Variants in PIK3R1 observed in about 807,000 individuals in gnomAD.
PIK3R1 encodes phosphatidylinositol 3-kinase regulatory subunit alpha.
A neutral mutation model predicts 98.0 loss-of-function variants in PIK3R1; 29 were observed. The observed-to-expected ratio is 0.30, with a 90% CI of 0.22 to 0.40. PIK3R1 has a LOEUF of 0.40. PIK3R1 is among the 10% of genes least tolerant of loss of function. The pLI is 1.00. For missense variants in PIK3R1, 596 were observed against 872.7 expected, an observed-to-expected ratio of 0.68 and a Z score of 3.99; for synonymous variants, 282 against 311.8, an observed-to-expected ratio of 0.90 and a Z score of 1.01.
intron 3 of PIK3R1, 193 bp downstream of exon 3, chr5:68,273,675 T>C: frequency 1.7e-6 from 1 of 598,894 alleles, no homozygotes; most frequent in Admixed American, 3.0e-5. Flanking sequence ...AACTCTAGAT[T>C]ATCATGTAGT....
At chr5:68,249,159 C>G (rs1167491344) in intron 2 of PIK3R1, among the ~76,000 whole-genome samples, 1 of 152,148 alleles carries the variant, frequency 6.6e-6, no homozygotes, top group African/African-American at 2.4e-5. Flanking sequence ...GTAATGATAC[C>G]TTCTTTCTCT....
At chr5:68,291,942 T>C (rs1747416700) in intron 7 of PIK3R1, 1 of 194,466 alleles carries the variant, frequency 5.1e-6, no homozygotes, top group Non-Finnish European at 1.0e-5. Flanking sequence ...GAAACTTTAA[T>C]ATAACTAGAA....
intron 2 of PIK3R1, among the ~76,000 whole-genome samples, chr5:68,234,204 C>T (rs2111992494): frequency 6.6e-6 from 1 of 152,288 alleles, no homozygotes; most frequent in Non-Finnish European, 1.5e-5. Context: ...AGATGAGAAG[C>T]TAAATGCTGT....
intron 12 of PIK3R1, 35 bp from the exon 13 acceptor site, chr5:68,295,113 C>A (rs922975251): frequency 1.4e-5 from 22 of 1,586,272 alleles, no homozygotes; most frequent in Non-Finnish European, 1.7e-5. Context: ...CCTGATGTAC[C>A]CAGATAATAA....
chr5:68,280,161 T>C (rs963730264), intron 5 of PIK3R1: 3 of 321,326 alleles, frequency 9.3e-6, no homozygotes, highest in Admixed American at 4.6e-5. Flanking sequence ...TTAAGTGCTT[T>C]GGGGACAGGA....
At chr5:68,266,968 T>C (rs1243750921) in intron 2 of PIK3R1, among the ~76,000 whole-genome samples, 1 of 152,208 alleles carries the variant, frequency 6.6e-6, no homozygotes, top group African/African-American at 2.4e-5. Flanking sequence ...TTTTTCTTTT[T>C]GGGGGCTTCT....
intron 1 of PIK3R1, among the ~76,000 whole-genome samples, chr5:68,224,556 A>T (rs1744209845): frequency 6.6e-6 from 1 of 152,220 alleles, no homozygotes; most frequent in Non-Finnish European, 1.5e-5. Flanking sequence ...TCTGAATGCC[A>T]ACATAACAAT....
At chr5:68,245,710 TAGACTTA>T (rs1301078617) in intron 2 of PIK3R1, among the ~76,000 whole-genome samples, 2 of 152,258 alleles carry the variant, frequency 1.3e-5, no homozygotes, top group Admixed American at 1.3e-4. Context: ...AATTACTTTT[TAGACTTA>T]AGCAATGCAT....
intron 2 of PIK3R1, among the ~76,000 whole-genome samples, chr5:68,241,393 T>G (rs891865331): frequency 6.6e-6 from 1 of 151,870 alleles, no homozygotes; most frequent in Non-Finnish European, 1.5e-5. Context: ...TTTTTGTTTT[T>G]TTTTTTTTTA....
At chr5:68,262,623 A>C (rs116820170) in intron 2 of PIK3R1, among the ~76,000 whole-genome samples, 4,499 of 123,046 alleles carry the variant, frequency 0.037, 118 homozygotes, top group South Asian at 0.059. Flanking sequence ...ACACATGTAG[A>C]TGCATGTATA....
At chr5:68,224,357 C>T (rs1335829712) in intron 1 of PIK3R1, among the ~76,000 whole-genome samples, 1 of 152,172 alleles carries the variant, frequency 6.6e-6, no homozygotes, top group Non-Finnish European at 1.5e-5. Context: ...CTGATATGCT[C>T]TATTGGTTGC....
chr5:68,218,698 G>A (rs922639450), intron 1 of PIK3R1, among the ~76,000 whole-genome samples: 2 of 152,184 alleles, frequency 1.3e-5, no homozygotes, highest in African/African-American at 4.8e-5. Context: ...CATACACAAT[G>A]CAAAAGATAT....
chr5:68,296,432 CATAG>C, intron 15 of PIK3R1, 91 bp downstream of exon 15: 1 of 1,246,564 alleles, frequency 8.0e-7, no homozygotes, highest in Middle Eastern at 2.0e-4. Context: ...AAAGATTTGA[CATAG>C]TTTTAGTCTT....
intron 7 of PIK3R1, among the ~76,000 whole-genome samples, chr5:68,281,774 C>T (rs1450162074): frequency 6.6e-6 from 1 of 152,138 alleles, no homozygotes; most frequent in Non-Finnish European, 1.5e-5. Context: ...AATGAAACTC[C>T]ATGAATATAT....
intron 2 of PIK3R1, among the ~76,000 whole-genome samples, chr5:68,261,059 C>T (rs538339581): frequency 1.8e-4 from 27 of 152,276 alleles, no homozygotes; most frequent in African/African-American, 6.0e-4. Flanking sequence ...TAACTTCCTT[C>T]CCTCCATATT....
intron 2 of PIK3R1, among the ~76,000 whole-genome samples, chr5:68,262,254 C>A (rs78440854): frequency 0.027 from 4,028 of 151,668 alleles, 83 homozygotes; most frequent in African/African-American, 0.05. Context: ...TCTATATTGA[C>A]ATAACTTTCT....
intron 8 of PIK3R1, chr5:68,292,869 G>A: frequency 1.4e-6 from 1 of 725,878 alleles, no homozygotes; most frequent in Non-Finnish European, 2.1e-6. Context: ...TGATGAGACT[G>A]CAATTGCTAA....
At chr5:68,244,881 T>A (rs1230952560) in intron 2 of PIK3R1, among the ~76,000 whole-genome samples, 1 of 152,184 alleles carries the variant, frequency 6.6e-6, no homozygotes, top group East Asian at 1.9e-4. Context: ...TTATGGACAA[T>A]TTCTAAGAAA....
At position 68,298,553 on chromosome 5, in the gene PIK3R1, A is replaced by T. The variant is rs889709597; in HGVS notation, c.*952A>T. ...ATTTTTGTTATCCTTTTTTAAAAGT[A>T]AATGTACAGGATGCCAGTAAAAAAA... On this transcript the variant is annotated 3_prime_UTR_variant, in exon 16 of 16. Coordinates refer to ENST00000521381, the MANE Select transcript of PIK3R1 (RefSeq NM_181523.3). 8.3e-5 allele frequency: 19 copies of T among 230,296 alleles called. No homozygotes were observed. The highest frequency in any genetic ancestry group is 1.6e-4 in the Non-Finnish European group (19 of 117,620). 14.3% of individuals were successfully genotyped at this position (230,296 alleles called of 1,614,324 possible).
Sources: gnomAD v4.1 joint callset for allele counts (sites outside exome capture counted in the v4.1 genomes callset) on GRCh38, gnomAD v4.1.1 for gene constraint, MANE v1.5 for transcripts, NCBI Gene and HGNC (gene_info 2026-07-23, HGNC 2026-07-21) for gene names.